Variants in SAMD5 observed in about 807,000 individuals in gnomAD.
SAMD5 encodes sterile alpha motif domain containing 5.
Under a neutral mutation model 11.3 loss-of-function variants are expected in SAMD5, and 13 were observed. The observed-to-expected ratio is 1.15, with a 90% CI of 0.75 to 1.83. The LOEUF is 1.83. Ranked by LOEUF, SAMD5 falls within the 40% of genes most tolerant of loss-of-function variation. SAMD5 has a pLI of 0.00. For missense variants in SAMD5, 255 were observed against 239.1 expected (o/e 1.07, Z -0.44); for synonymous variants, 129 against 111.3 (o/e 1.16, Z -1.00).
chr6:147,702,830 T>A (rs2128457924), intron 1 of SAMD5, among the ~76,000 whole-genome samples: 1 of 152,100 alleles, frequency 6.6e-6, no homozygotes, highest in East Asian at 1.9e-4. Flanking sequence ...TGTGTGTGTG[T>A]GTGTGTGTCT....
At chr6:147,685,808 A>T (rs983755787) in intron 1 of SAMD5, among the ~76,000 whole-genome samples, 2 of 152,186 alleles carry the variant, frequency 1.3e-5, no homozygotes, top group Admixed American at 6.5e-5. Flanking sequence ...ACACAACTAC[A>T]TGCTTTGCTG....
intron 1 of SAMD5, among the ~76,000 whole-genome samples, chr6:147,622,869 C>T (rs925566211): frequency 6.6e-6 from 1 of 152,118 alleles, no homozygotes; most frequent in Non-Finnish European, 1.5e-5. Flanking sequence ...AGGTGAAAGG[C>T]ACATCTTACG....
chr6:147,515,146 C>G (rs6923561), intron 1 of SAMD5, among the ~76,000 whole-genome samples: 60,947 of 146,562 alleles, frequency 0.42, 16,138 homozygotes, highest in African/African-American at 0.76. Context: ...AATCAGTGTC[C>G]TCAAATACCC....
the SAMD5 span, among the ~76,000 whole-genome samples, chr6:147,883,521 T>C: frequency 6.6e-6 from 1 of 152,062 alleles, no homozygotes; most frequent in East Asian, 1.9e-4. Flanking sequence ...TTAGTGTATT[T>C]TTCCTACATA....
chr6:147,784,157 G>A, the SAMD5 span, among the ~76,000 whole-genome samples: 1 of 152,016 alleles, frequency 6.6e-6, no homozygotes, highest in African/African-American at 2.4e-5. Context: ...TATTTTAAAG[G>A]TATTTCCACT....
At chr6:147,805,398 C>A in the SAMD5 span, among the ~76,000 whole-genome samples, 1 of 152,056 alleles carries the variant, frequency 6.6e-6, no homozygotes, top group African/African-American at 2.4e-5. Context: ...GGATGTTACT[C>A]AGTTCTGTTT....
At chr6:147,851,156 C>A in the SAMD5 span, among the ~76,000 whole-genome samples, 1 of 151,954 alleles carries the variant, frequency 6.6e-6, no homozygotes, top group East Asian at 1.9e-4. Flanking sequence ...GTTGGCCAGG[C>A]TGGTCTCAAA....
chr6:147,861,828 C>T, the SAMD5 span, among the ~76,000 whole-genome samples: 2 of 152,164 alleles, frequency 1.3e-5, no homozygotes, highest in Non-Finnish European at 2.9e-5. Flanking sequence ...GGGGATGCCC[C>T]TCATGTGAAC....
rs545574734 is a variant in SAMD5 at position 147,617,870 on chromosome 6, A to G, written c.162+108483A>G. Among the ~76,000 whole-genome samples, 25 of 152,350 alleles carry G rather than the reference A, an allele frequency of 1.6e-4. No individual in the cohort carries two copies. The South Asian group carries it at 3.5e-3, about 21-fold the overall frequency. On this transcript the variant is annotated intron_variant, in intron 1 of 1. Transcript: ENST00000566741. ...CTACCACCCAGGTTTGTAGATATTG[A>G]TTCAATGTGAAAGTGTTTCAAAGAT... is the stretch of plus-strand genomic sequence containing the variant.
the SAMD5 span, among the ~76,000 whole-genome samples, chr6:147,880,410 C>T: frequency 6.6e-6 from 1 of 152,142 alleles, no homozygotes; most frequent in South Asian, 2.1e-4. Context: ...TGACCTCTGC[C>T]CCCTTCTGTA....
intron 1 of SAMD5, among the ~76,000 whole-genome samples, chr6:147,598,243 GC>G (rs917647613): frequency 6.6e-6 from 1 of 151,860 alleles, no homozygotes; most frequent in Non-Finnish European, 1.5e-5. Context: ...TCCCACCAGA[GC>G]CCCCCAAGTA....
intron 1 of SAMD5, among the ~76,000 whole-genome samples, chr6:147,685,559 A>G (rs116337604): frequency 8.3e-4 from 126 of 152,270 alleles, no homozygotes; most frequent in African/African-American, 2.9e-3. Context: ...CTTCATTTAC[A>G]TGGATAACTT....
chr6:147,707,657 T>C (rs957495912), intron 1 of SAMD5, among the ~76,000 whole-genome samples: 1 of 152,172 alleles, frequency 6.6e-6, no homozygotes, highest in Admixed American at 6.5e-5. Flanking sequence ...CTTGTTTGCA[T>C]TGGTGTGGTC....
At chr6:147,724,038 A>C (rs78213097) in intron 1 of SAMD5, among the ~76,000 whole-genome samples, 1,912 of 152,324 alleles carry the variant, frequency 0.013, 22 homozygotes, top group Non-Finnish European at 0.02. Flanking sequence ...CATGCAAAAA[A>C]TCCACAATCA....
the SAMD5 span, among the ~76,000 whole-genome samples, chr6:147,798,347 G>A: frequency 6.6e-6 from 1 of 150,476 alleles, no homozygotes; most frequent in South Asian, 2.1e-4. Context: ...TTCAGGAGCA[G>A]GTTGTTCAGT....
At chr6:147,690,413 A>G (rs569450073) in intron 1 of SAMD5, among the ~76,000 whole-genome samples, 2 of 152,300 alleles carry the variant, frequency 1.3e-5, no homozygotes, top group African/African-American at 4.8e-5. Context: ...TAATTCCAAC[A>G]CTTTGGGAGG....
At chr6:147,834,312 TAGTC>T in the SAMD5 span, among the ~76,000 whole-genome samples, 1 of 152,184 alleles carries the variant, frequency 6.6e-6, no homozygotes, top group Non-Finnish European at 1.5e-5. Context: ...TTGGGGTGCA[TAGTC>T]AGTCATATGA....
rs147801553 is a variant in SAMD5 at position 147,604,478 on chromosome 6, C to T, written c.162+95091C>T. 5.1e-3 allele frequency among the ~76,000 whole-genome samples: 769 copies of T among 152,240 alleles called. 2 individuals carry two copies. The highest frequency in any genetic ancestry group is 5.9e-3 in the Non-Finnish European group (400 of 68,024). On this transcript the variant is annotated intron_variant, in intron 1 of 1. Transcript: ENST00000566741. ...TAAGTGCTATGTAATTACAAAATCACGTTCAAGAGAGGGAAAAACATAGTT... is the reference window on the plus strand; with the variant it reads ...TAAGTGCTATGTAATTACAAAATCATGTTCAAGAGAGGGAAAAACATAGTT...
intron 1 of SAMD5, among the ~76,000 whole-genome samples, chr6:147,650,881 C>T (rs1790473917): frequency 6.6e-6 from 1 of 152,124 alleles, no homozygotes; most frequent in Admixed American, 6.5e-5. Flanking sequence ...AGATCTAGGT[C>T]AGGGAGAGAG....
Sources: gnomAD v4.1 joint callset for allele counts (sites outside exome capture counted in the v4.1 genomes callset) on GRCh38, gnomAD v4.1.1 for gene constraint, MANE v1.5 for transcripts, NCBI Gene and HGNC (gene_info 2026-07-23, HGNC 2026-07-21) for gene names.